SETX: variants seen among roughly 807,000 people sequenced by gnomAD.
SETX encodes the protein senataxin.
SETX carries 90 observed loss-of-function variants against 227.2 expected under a neutral mutation model. The ratio of observed to expected loss-of-function variants is 0.40; its 90% CI spans 0.33 to 0.47. SETX has a LOEUF of 0.47. Ranked by LOEUF, SETX falls within the 20% of genes least tolerant of loss-of-function variation. The probability of loss-of-function intolerance (pLI) is 0.91; values close to 1 mark genes in which losing one functional copy is unlikely to be tolerated. For missense variants in SETX, 3,052 were observed against 3,181.5 expected (o/e 0.96, Z 0.98); for synonymous variants, 1,210 against 1,113.2 (o/e 1.09, Z -1.73).
rs183117579 is a variant in SETX, at chr9:132,349,500, G to C, written c.-7-65C>G. ...TCAGACCTACTGTGTGTCAAGAATA[G>C]GTACACTTTCAACTTGTGACCCTGG... On this transcript the variant is annotated intron_variant, in intron 2 of 25. Coordinates refer to ENST00000224140, the MANE Select transcript of SETX (RefSeq NM_015046.7). The C allele has an allele frequency of 6.6e-6, 10 of 1,515,314 alleles. No homozygotes were observed. The East Asian group carries it at 2.0e-4, about 31-fold the overall frequency. 93.9% of individuals were successfully genotyped at this position (1,515,314 alleles called of 1,614,324 possible).
chr9:132,298,355 A>C, intron 12 of SETX, 43 bp from the exon 13 acceptor site: 1 of 1,462,964 alleles, frequency 6.8e-7, no homozygotes, highest in Non-Finnish European at 9.6e-7. Flanking sequence ...TTATCACTGA[A>C]TAATGCTGCC....
chr9:132,317,946 C>A (rs1015642079), intron 10 of SETX, among the ~76,000 whole-genome samples: 1 of 152,098 alleles, frequency 6.6e-6, no homozygotes, highest in Non-Finnish European at 1.5e-5. Flanking sequence ...CTCTCAACTC[C>A]TTCTCCATTT....
rs115551588 is a variant in SETX, at chr9:132,326,043, G to A, written c.5274+281C>T. 3.3e-3 allele frequency among the ~76,000 whole-genome samples: 504 copies of A among 151,482 alleles called. 3 individuals carry two copies. Among genetic ancestry groups the A allele is most frequent in the African/African-American group, 0.011 (461 of 41,348 alleles). Reference sequence around the variant, plus strand: ...CTAAAACCAGTATCTAAATCGAAACGGTCAATTTTAATTTAACTATACTTT... The same window carrying A: ...CTAAAACCAGTATCTAAATCGAAACAGTCAATTTTAATTTAACTATACTTT... On this transcript the variant is annotated intron_variant, in intron 10 of 25. Transcript: ENST00000224140.
chr9:132,332,829 G>A (rs1171819215), intron 7 of SETX, among the ~76,000 whole-genome samples: 3 of 151,900 alleles, frequency 2.0e-5, no homozygotes, highest in East Asian at 3.9e-4. Flanking sequence ...TCAGAGGCAG[G>A]AGGATGACTT....
At chr9:132,307,306 C>A (rs565271784) in intron 11 of SETX, among the ~76,000 whole-genome samples, 12 of 151,366 alleles carry the variant, frequency 7.9e-5, no homozygotes, top group African/African-American at 2.9e-4. Flanking sequence ...GCCTTAATGT[C>A]TATTTAGTTT....
chr9:132,287,094 C>T (rs1025209508), intron 17 of SETX, among the ~76,000 whole-genome samples: 1 of 152,144 alleles, frequency 6.6e-6, no homozygotes, highest in African/African-American at 2.4e-5. Flanking sequence ...AAGCTAATTC[C>T]CTTTCTGTCT....
At chr9:132,354,356 C>T (rs1173674135) in intron 1 of SETX, among the ~76,000 whole-genome samples, 1 of 151,834 alleles carries the variant, frequency 6.6e-6, no homozygotes, top group Non-Finnish European at 1.5e-5. Flanking sequence ...ATTAGCCGGG[C>T]GTGGTGACGC....
Position 132,263,269 on chromosome 9 carries a change from T to C in SETX, c.*970A>G, listed in dbSNP as rs914668449. The C allele has an allele frequency of 2.0e-5, 3 of 152,188 alleles. No individual in the cohort carries two copies. Among genetic ancestry groups the C allele is most frequent in the African/African-American group, 7.2e-5 (3 of 41,434 alleles). The allele number at this position is 152,188 out of a possible 1,614,324, so 9.4% of individuals were successfully genotyped here. A position where few individuals can be genotyped will look rare whatever the true frequency, so the allele number is the denominator to read the frequency against. ...AAGCTGCCTGGTGATCAGAATCCCTTGGGAAATGTTGAACACACAGCTTCC... is the reference window on the plus strand; with the variant it reads ...AAGCTGCCTGGTGATCAGAATCCCTCGGGAAATGTTGAACACACAGCTTCC... On this transcript the variant is annotated 3_prime_UTR_variant, in exon 26 of 26. Transcript: ENST00000224140.
chr9:132,332,853 T>G (rs1695807161), intron 7 of SETX, among the ~76,000 whole-genome samples: 1 of 147,646 alleles, frequency 6.8e-6, no homozygotes, highest in Non-Finnish European at 1.5e-5. Flanking sequence ...CCTGGGAGGT[T>G]AAGGCTGCAG....
chr9:132,301,156 G>A (rs1029293783), intron 11 of SETX, among the ~76,000 whole-genome samples: 13 of 147,810 alleles, frequency 8.8e-5, no homozygotes, highest in Admixed American at 4.1e-4. Context: ...GCAGTGGCGC[G>A]ATCTCGGGTC....
chr9:132,269,526 A>G (rs1842797051), intron 25 of SETX, 89 bp downstream of exon 25: 1 of 1,606,852 alleles, frequency 6.2e-7, no homozygotes, highest in African/African-American at 1.3e-5. Context: ...GTAATCCAGA[A>G]ATCATTTACA....
chr9:132,351,972 C>T (rs142916823), intron 2 of SETX, among the ~76,000 whole-genome samples: 3 of 152,330 alleles, frequency 2.0e-5, no homozygotes, highest in African/African-American at 7.2e-5. Context: ...ATAGGTATTA[C>T]TGTAATTTTC....
chr9:132,345,622 T>C (rs1848244072), intron 4 of SETX, among the ~76,000 whole-genome samples: 2 of 152,206 alleles, frequency 1.3e-5, no homozygotes, highest in African/African-American at 4.8e-5. Context: ...AGATACGTAA[T>C]AAAGCAAATA....
At chr9:132,278,400 A>G (rs1843293290) in intron 20 of SETX, 143 bp from the exon 21 acceptor site, 1 of 717,798 alleles carries the variant, frequency 1.4e-6, no homozygotes, top group East Asian at 2.8e-5. Flanking sequence ...CAGAGAAAAA[A>G]GGTGTTTCTG....
chr9:132,293,773 A>G (rs1480879502), intron 15 of SETX, among the ~76,000 whole-genome samples: 5 of 152,052 alleles, frequency 3.3e-5, no homozygotes, highest in Non-Finnish European at 5.9e-5. Flanking sequence ...CTGTAACCCC[A>G]GCACTTTGGG....
upstream of SETX, among the ~76,000 whole-genome samples, chr9:132,355,492 CAAGA>C (rs1460761421): frequency 6.6e-6 from 1 of 152,196 alleles, no homozygotes; most frequent in African/African-American, 2.4e-5. Flanking sequence ...CTTTATATTA[CAAGA>C]AAGGGAGACC....
chr9:132,296,148 TA>T, intron 14 of SETX, 120 bp from the exon 15 acceptor site: 1 of 1,219,338 alleles, frequency 8.2e-7, no homozygotes. Flanking sequence ...GTAATAAAGT[TA>T]AAAATAAATA....
Position 132,346,399 on chromosome 9 carries a change from C to A in SETX, c.250G>T (p.Asp84Tyr). ...EKSMKAEIGD[D>Y]DELYIVDNNG... The stretch of plus-strand genomic sequence containing the variant: ...TTGTCTACTATATATAACTCATCAT[C>A]ATCTCCAATTTCTGCCTTCATGGAT... The change falls in exon 4 of 26, where the codon GAT becomes TAT. Residue 84 changes from aspartate to tyrosine, a missense_variant. By Grantham distance (160) the Asp-to-Tyr change is radical. Around this residue, in one of 10 missense-constraint regions of SETX, gnomAD observed 152 missense variants for 156.2 expected, o/e 0.97. Transcript: ENST00000224140. 1 of 1,613,850 alleles carries A rather than the reference C, an allele frequency of 6.2e-7. No individual in the cohort carries two copies. The highest frequency in any genetic ancestry group is 8.5e-7 in the Non-Finnish European group (1 of 1,179,800).
chr9:132,283,232 A>T lies in SETX; in HGVS notation c.6546+32T>A, dbSNP rs2296873. The T allele has an allele frequency of 0.051, 82,048 of 1,613,742 alleles. 5,918 individuals are homozygous for T. The highest frequency in any genetic ancestry group is 0.4 in the East Asian group (18,090 of 44,854). ...TCTAAGACTTACTCCTCATAGTAGTAGTCAAAGTTGTATGGCTGACCGTTC... is the reference window on the plus strand; with the variant it reads ...TCTAAGACTTACTCCTCATAGTAGTTGTCAAAGTTGTATGGCTGACCGTTC... On this transcript the variant is annotated intron_variant, in intron 19 of 25. Coordinates refer to ENST00000224140, the MANE Select transcript of SETX (RefSeq NM_015046.7).
Sources: gnomAD v4.1 joint callset for allele counts (sites outside exome capture counted in the v4.1 genomes callset) on GRCh38, gnomAD v4.1.1 for gene constraint, gnomAD v4.1.1 regional missense constraint, MANE v1.5 for transcripts, NCBI Gene and HGNC (gene_info 2026-07-23, HGNC 2026-07-21) for gene names.